NOMO1: variants seen among roughly 807,000 people sequenced by gnomAD.
The protein encoded by NOMO1 is nodal modulator 3.
A neutral mutation model predicts 133.8 loss-of-function variants in NOMO1; 40 were observed. The observed-to-expected ratio is 0.30, with a 90% CI of 0.23 to 0.39. NOMO1 has a LOEUF of 0.39. NOMO1 is among the 10% of genes least tolerant of loss of function. The pLI is 1.00. For missense variants in NOMO1, 462 were observed against 1,419.9 expected, an observed-to-expected ratio of 0.33 and a Z score of 10.84; for synonymous variants, 236 against 570.5, an observed-to-expected ratio of 0.41 and a Z score of 8.36.
At chr16:14,893,562 A>C (rs1964436379) in intron 29 of NOMO1, among the ~76,000 whole-genome samples, 1 of 152,018 alleles carries the variant, frequency 6.6e-6, no homozygotes, top group South Asian at 2.1e-4. Flanking sequence ...AAGATACAGG[A>C]GTAGGCAGTT....
At chr16:14,880,650 G>A (rs1867181412) in intron 24 of NOMO1, among the ~76,000 whole-genome samples, 1 of 151,922 alleles carries the variant, frequency 6.6e-6, no homozygotes, top group South Asian at 2.1e-4. Flanking sequence ...CCAAAGTGTT[G>A]GGATTACAGG....
At chr16:14,875,823 G>A (rs1392411110) in intron 20 of NOMO1, among the ~76,000 whole-genome samples, 1 of 151,756 alleles carries the variant, frequency 6.6e-6, no homozygotes, top group Non-Finnish European at 1.5e-5. Flanking sequence ...GAGCATGATG[G>A]GAGGGTCTTT....
intron 2 of NOMO1, among the ~76,000 whole-genome samples, chr16:14,840,892 C>G (rs1033048015): frequency 6.0e-5 from 9 of 151,042 alleles, no homozygotes; most frequent in African/African-American, 2.2e-4. Flanking sequence ...GTCTTGAACT[C>G]CTGGCCTCAA....
Position 14,882,663 on chromosome 16 carries a change from C to G in NOMO1, c.3097C>G (p.His1033Asp), listed in dbSNP as rs538320199. The G allele has an allele frequency of 3.2e-5, 51 of 1,611,652 alleles. No individual in the cohort carries two copies. The highest frequency in any genetic ancestry group is 1.3e-4 in the Admixed American group (8 of 59,996). The change falls in exon 26 of 31, where the codon CAT becomes GAT. Residue 1033 changes from histidine (H) to aspartate (D), a missense_variant. Transcript: ENST00000287667. ...NDHIERALPH[H>D]RVIEVGNNDI... ...CCACATTGAGCGGGCGCTCCCCCAC[C>G]ATAGGGTGATTGAGGTAAGGCATTC...
At chr16:14,886,649 T>A in intron 27 of NOMO1, 112 bp from the exon 28 acceptor site, 1 of 1,569,268 alleles carries the variant, frequency 6.4e-7, no homozygotes, top group Non-Finnish European at 8.7e-7. Context: ...TTTTCAAATA[T>A]CCATGTTTCC....
In NOMO1 at chr16:14,843,679, C is replaced by T. The variant is rs554886477; in HGVS notation, c.302-995C>T. On this transcript the variant is annotated intron_variant, in intron 3 of 30. Coordinates refer to ENST00000287667, the MANE Select transcript of NOMO1 (RefSeq NM_014287.4). ...TGGGCTAGCTATTTTTGTAAGATTC[C>T]TGTTCAAGTCTTTTGCCCATTTTTT... is the stretch of plus-strand genomic sequence containing the variant. Among the ~76,000 whole-genome samples the T allele has an allele frequency of 1.0e-3, 150 of 149,932 alleles. 1 individual carries two copies. The highest frequency in any genetic ancestry group is 6.3e-3 in the East Asian group (32 of 5,062).
chr16:14,894,825 A>T (rs1329271922), intron 29 of NOMO1, among the ~76,000 whole-genome samples, 173 bp from the exon 30 acceptor site: 2 of 152,240 alleles, frequency 1.3e-5, no homozygotes, highest in African/African-American at 2.4e-5. Context: ...GGGAAAATAT[A>T]TCCAAATCAC....
chr16:14,864,755 A>G (rs773525440), intron 13 of NOMO1, 29 bp downstream of exon 13: 18 of 1,613,618 alleles, frequency 1.1e-5, no homozygotes, highest in Non-Finnish European at 1.4e-5. Context: ...GTAAGAACAC[A>G]TAGTTTCAAA....
intron 11 of NOMO1, among the ~76,000 whole-genome samples, chr16:14,858,544 C>T (rs1171358460): frequency 7.3e-5 from 11 of 151,256 alleles, no homozygotes; most frequent in Admixed American, 4.6e-4. Flanking sequence ...GGGAGAAGCG[C>T]GGCATGAGCA....
chr16:14,874,356 G>T (rs1468359002), intron 18 of NOMO1, among the ~76,000 whole-genome samples: 1 of 151,848 alleles, frequency 6.6e-6, no homozygotes, highest in Admixed American at 6.6e-5. Context: ...TGTTGCCATT[G>T]CTTGAACATC....
rs1963775465 is a variant in NOMO1, at chr16:14,852,558, C to CT, written c.715dup (p.Ser239PhefsTer6). ...CCATGAAAGGCGTGAAGTTTCTTCTCTTTTCTTCTTTAGTAACTAAAGAGG... is the reference window on the plus strand; with the variant it reads ...CCATGAAAGGCGTGAAGTTTCTTCTCTTTTTCTTCTTTAGTAACTAAAGAGG... On this transcript the variant is annotated frameshift_variant, in exon 7 of 31. Coordinates refer to ENST00000287667, the MANE Select transcript of NOMO1 (RefSeq NM_014287.4). LOFTEE classifies it high-confidence loss of function. 8 of 1,451,310 alleles carry CT rather than the reference C, an allele frequency of 5.5e-6. No homozygotes were observed. The highest frequency in any genetic ancestry group is 7.5e-6 in the Non-Finnish European group (8 of 1,070,002). 89.9% of individuals were successfully genotyped at this position (1,451,310 alleles called of 1,614,324 possible). A position where few individuals can be genotyped will look rare whatever the true frequency, so the allele number is the denominator to read the frequency against.
At chr16:14,836,085 G>C (rs1963503071) in intron 1 of NOMO1, among the ~76,000 whole-genome samples, 1 of 151,990 alleles carries the variant, frequency 6.6e-6, no homozygotes, top group Non-Finnish European at 1.5e-5. Context: ...TATTTCTCTG[G>C]AAAGCCAGCC....
chr16:14,885,356 C>T (rs576430437), intron 27 of NOMO1, among the ~76,000 whole-genome samples: 2 of 151,782 alleles, frequency 1.3e-5, no homozygotes, highest in East Asian at 1.9e-4. Context: ...GCCTCGACTT[C>T]GTCCTCTGCA....
intron 29 of NOMO1, among the ~76,000 whole-genome samples, chr16:14,893,466 G>A (rs1485726180): frequency 5.3e-5 from 8 of 151,998 alleles, no homozygotes; most frequent in Admixed American, 4.6e-4. Context: ...GATTACAGGC[G>A]TGAGCCACTG....
At chr16:14,886,664 A>G (rs1403862120) in intron 27 of NOMO1, 97 bp from the exon 28 acceptor site, 2 of 1,604,650 alleles carry the variant, frequency 1.2e-6, no homozygotes, top group South Asian at 2.2e-5. Flanking sequence ...GTTTCCAAAG[A>G]CACCCACCCA....
Position 14,889,101 on chromosome 16 carries a change from T to C in NOMO1, c.3330T>C (p.Tyr1110=). Residue 1110 remains tyrosine, a synonymous_variant, in exon 29 of 31, where the codon TAT becomes TAC. Coordinates refer to ENST00000287667, the MANE Select transcript of NOMO1 (RefSeq NM_014287.4). ...FPPLLRDGEN[Y]VVLLDSTLPR... is the part of the protein sequence containing the mutation. ...TTCTTCCCATGTGTGCACAGAACTA[T>C]GTTGTGCTTCTGGACTCCACACTCC... The C allele has an allele frequency of 6.2e-7, 1 of 1,611,842 alleles. No homozygotes were observed. Among genetic ancestry groups the C allele is most frequent in the South Asian group, 1.1e-5 (1 of 90,962 alleles).
chr16:14,857,398 T>C, intron 10 of NOMO1, 76 bp downstream of exon 10: 3 of 1,478,660 alleles, frequency 2.0e-6, no homozygotes, highest in Admixed American at 2.0e-5. Flanking sequence ...GAGGAACTGA[T>C]GACTATATGA....
In NOMO1 at chr16:14,874,185, G is replaced by A. The variant is rs201514229; in HGVS notation, c.2055-851G>A. 2.7e-3 allele frequency among the ~76,000 whole-genome samples: 413 copies of A among 151,846 alleles called. 12 individuals carry two copies. In the East Asian group the frequency reaches 0.055, roughly 20 times the overall value. On this transcript the variant is annotated intron_variant, in intron 18 of 30. Coordinates refer to ENST00000287667, the MANE Select transcript of NOMO1 (RefSeq NM_014287.4). ...ATTGCTTTGTGTATTTTCCATGAAG[G>A]AGCGAACGATTTCTTTTATCATACC...
intron 16 of NOMO1, among the ~76,000 whole-genome samples, chr16:14,870,732 CT>C (rs972695963): frequency 6.7e-6 from 1 of 148,242 alleles, no homozygotes; most frequent in Non-Finnish European, 1.5e-5. Flanking sequence ...CTTCTATCCC[CT>C]TCTTGCATGT....
Sources: allele counts gnomAD v4.1 joint callset (sites outside exome capture counted in the v4.1 genomes callset), GRCh38; gene constraint gnomAD v4.1.1; transcripts MANE v1.5; gene names NCBI Gene and HGNC (gene_info 2026-07-23, HGNC 2026-07-21).